POLE: variants seen among roughly 807,000 people sequenced by gnomAD.
POLE encodes the protein DNA polymerase epsilon catalytic subunit A.
Under a neutral mutation model 279.2 loss-of-function variants are expected in POLE, and 188 were observed. That is an observed-to-expected ratio of 0.67 (90% CI 0.60 to 0.76). POLE has a LOEUF of 0.76. POLE is among the 30% of genes least tolerant of loss of function. The pLI is 0.00. For missense variants in POLE, 2,703 were observed against 3,016.7 expected, an observed-to-expected ratio of 0.90 and a Z score of 2.44; for synonymous variants, 1,214 against 1,172.5, an observed-to-expected ratio of 1.04 and a Z score of -0.72.
Position 132,625,731 on chromosome 12 carries a change from G to C in POLE, c.6571C>G (p.Gln2191Glu). The change falls in exon 47 of 49, where the codon CAG (glutamine) becomes GAG (glutamate). Residue 2191 changes from glutamine to glutamate, a missense_variant. This residue lies in a region of POLE where 1,551 missense variants were observed against 1,686.1 expected (regional missense o/e 0.92). Coordinates refer to ENST00000320574, the MANE Select transcript of POLE (RefSeq NM_006231.4). ...VLPQWLCSNCQAPYDSSAIEM... is the reference protein window; with the variant it reads ...VLPQWLCSNCEAPYDSSAIEM... ...ATGGCAGAGGAGTCGTAGGGCGCCT[G>C]ACAGTTGGAGCAGAGCCACTGAGGC... The C allele has an allele frequency of 6.2e-7, 1 of 1,613,082 alleles. No individual in the cohort carries two copies. Among genetic ancestry groups the C allele is most frequent in the Non-Finnish European group, 8.5e-7 (1 of 1,180,030 alleles).
rs5744831 is a variant in POLE at position 132,664,689 on chromosome 12, G to A, written c.2469-227C>T. Among the ~76,000 whole-genome samples the A allele has an allele frequency of 0.065, 9,892 of 152,168 alleles. 1,043 individuals are homozygous for A. Among genetic ancestry groups the A allele is most frequent in the African/African-American group, 0.23 (9,351 of 41,454 alleles). On this transcript the variant is annotated intron_variant, in intron 21 of 48. Coordinates refer to ENST00000320574, the MANE Select transcript of POLE (RefSeq NM_006231.4). This position sits in a 1 kb window ranked among gnomAD's most constrained non-coding sequence, Gnocchi z 5.3. ...AAGGATCTGGAAGGGTGCAGTATGT[G>A]CCACTGCGTCCAGCCGTTCAGGACT... is the stretch of plus-strand genomic sequence containing the variant.
rs1593693065 is a variant in POLE, at chr12:132,624,557, T to C, written c.*140A>G. The C allele has an allele frequency of 7.3e-6, 5 of 681,658 alleles. No individual in the cohort carries two copies. The East Asian group carries it at 1.3e-4, about 17-fold the overall frequency. 42.2% of individuals were successfully genotyped at this position (681,658 alleles called of 1,614,324 possible). Reference sequence around the variant, plus strand: ...CTCCCTGAAAATGGTTTTCTTTGGTTTCCTCCCCGTTCCCTGGCCTGGGGT... The same window carrying C: ...CTCCCTGAAAATGGTTTTCTTTGGTCTCCTCCCCGTTCCCTGGCCTGGGGT... On this transcript the variant is annotated 3_prime_UTR_variant, in exon 49 of 49. Coordinates refer to ENST00000320574, the MANE Select transcript of POLE (RefSeq NM_006231.4).
Position 132,630,548 on chromosome 12 carries a change from G to A in POLE, c.6330+1767C>T, listed in dbSNP as rs541987253. Among the ~76,000 whole-genome samples, 79 of 152,126 alleles carry A rather than the reference G, an allele frequency of 5.2e-4. No homozygotes were observed. The Middle Eastern group carries it at 0.014, about 26-fold the overall frequency. On this transcript the variant is annotated intron_variant, in intron 45 of 48. Coordinates refer to ENST00000320574, the MANE Select transcript of POLE (RefSeq NM_006231.4). ...GTGGATCACTTGAGGTCAGGAGTTCGAGACCAGCCTGGCCAACATGGTGAA... is the reference window on the plus strand; with the variant it reads ...GTGGATCACTTGAGGTCAGGAGTTCAAGACCAGCCTGGCCAACATGGTGAA...
At chr12:132,637,979 C>T (rs2138499212) in intron 41 of POLE, 35 bp downstream of exon 41, 1 of 1,610,396 alleles carries the variant, frequency 6.2e-7, no homozygotes. Flanking sequence ...CTCTCAAAGC[C>T]ACAGTGCTGC....
chr12:132,650,338 G>A (rs2042394966), intron 29 of POLE: 2 of 174,726 alleles, frequency 1.1e-5, no homozygotes, highest in African/African-American at 2.4e-5. Flanking sequence ...GTGAAGGCCG[G>A]GTGTGGTGGC....
rs2042844291 is a variant in POLE at position 132,668,405 on chromosome 12, A to G, written c.2124T>C (p.His708=). Reference sequence around the variant, plus strand: ...TCGCCTGTTCCTCGCGGGACAGTTCATGAAAGGCCCGAGCTGGCCCCTCTG... The same window carrying G: ...TCGCCTGTTCCTCGCGGGACAGTTCGTGAAAGGCCCGAGCTGGCCCCTCTG... ...LFPEGPARAF[H]ELSREEQAKY... The change falls in exon 19 of 49, where the codon CAT becomes CAC. Residue 708 remains histidine (H), a synonymous_variant. Coordinates refer to ENST00000320574, the MANE Select transcript of POLE (RefSeq NM_006231.4). This position sits in a 1 kb window ranked among gnomAD's most constrained non-coding sequence, Gnocchi z 4.0. 1.2e-6 allele frequency: 2 copies of G among 1,611,696 alleles called. No homozygotes were observed. The highest frequency in any genetic ancestry group is 2.2e-5 in the South Asian group (2 of 90,810).
chr12:132,625,765 C>A lies in POLE; in HGVS notation c.6537G>T (p.Gly2179=), dbSNP rs745411511. The A allele has an allele frequency of 5.6e-6, 9 of 1,610,776 alleles. No homozygotes were observed. The highest frequency in any genetic ancestry group is 7.6e-6 in the Non-Finnish European group (9 of 1,179,944). ...AGCAGAGCCACTGAGGCAGGACCGC[C>A]CCATCCTAGGCAGAGCAAGAGTGCG... ...LCKDSSFSED[G]AVLPQWLCSN... is the part of the protein sequence containing the mutation. Residue 2179 remains glycine (G), a synonymous_variant, in exon 47 of 49, where the codon GGG becomes GGT. Coordinates refer to ENST00000320574, the MANE Select transcript of POLE (RefSeq NM_006231.4).
At position 132,658,857 on chromosome 12, in the gene POLE, C is replaced by T. The variant is rs188510541; in HGVS notation, c.3275+438G>A. Among the ~76,000 whole-genome samples the T allele has an allele frequency of 4.2e-3, 437 of 105,280 alleles. 1 individual carries two copies. The highest frequency in any genetic ancestry group is 0.015 in the African/African-American group (416 of 27,496). 69.1% of individuals were successfully genotyped at this position (105,280 alleles called of 152,430 possible). On this transcript the variant is annotated intron_variant, in intron 26 of 48. Coordinates refer to ENST00000320574, the MANE Select transcript of POLE (RefSeq NM_006231.4). ...CATCAACCCCATGCAGGCATTTGTA[C>T]TGGTCCTATTTGTATATAACCACCA...
At position 132,625,647 on chromosome 12, in the gene POLE, G is replaced by T. The variant is rs1347301977; in HGVS notation, c.6655C>A (p.Leu2219Met). ...GGCAGGCGGCATGCACGACTCACCA[G>T]GTCCTGCAGGGTGAAGGCCATCAGC... is the stretch of plus-strand genomic sequence containing the variant. The part of the protein sequence containing the change: ...KKLMAFTLQD[L>M]VCLKCRGVKE... Residue 2219 changes from leucine (L) to methionine (M), a missense_variant and splice_region_variant, in exon 47 of 49, where the codon CTG becomes ATG. This residue lies in a region of POLE where 1,551 missense variants were observed against 1,686.1 expected (regional missense o/e 0.92). Coordinates refer to ENST00000320574, the MANE Select transcript of POLE (RefSeq NM_006231.4). 1.2e-6 allele frequency: 2 copies of T among 1,613,490 alleles called. No individual in the cohort carries two copies. The highest frequency in any genetic ancestry group is 4.5e-5 in the East Asian group (2 of 44,888).
At chr12:132,644,015 A>G (rs2138563419) in intron 32 of POLE, 38 bp from the exon 33 acceptor site, 9 of 1,601,172 alleles carry the variant, frequency 5.6e-6, no homozygotes, top group Non-Finnish European at 7.7e-6. Flanking sequence ...CACTGGGCGT[A>G]AGTGGTAATG....
Position 132,639,146 on chromosome 12 carries a change from ATGT to A in POLE, c.5528_5530del (p.Asn1843del), listed in dbSNP as rs868246375. On this transcript the variant is annotated inframe_deletion, in exon 40 of 49. Transcript: ENST00000320574. This position sits in a 1 kb window ranked among gnomAD's most constrained non-coding sequence, Gnocchi z 4.7. ...TCACTGCAGGAAGAGCTTCTTCATC[ATGT>A]TGTGGAGTGTGCGGTGCAGGGCAGG... 5 of 1,614,104 alleles carry A rather than the reference ATGT, an allele frequency of 3.1e-6. No individual in the cohort carries two copies. The highest frequency in any genetic ancestry group is 4.2e-6 in the Non-Finnish European group (5 of 1,180,006).
chr12:132,667,730 C>T (rs1179590530), intron 19 of POLE, 82 bp from the exon 20 acceptor site: 5 of 1,445,646 alleles, frequency 3.5e-6, no homozygotes, highest in African/African-American at 1.4e-5. Context: ...TGCTGAAGAA[C>T]ATGGCTTCTA....
chr12:132,632,102 C>T (rs763075693), intron 45 of POLE, among the ~76,000 whole-genome samples: 2 of 152,224 alleles, frequency 1.3e-5, no homozygotes, highest in Non-Finnish European at 2.9e-5. Flanking sequence ...TGACCCTACA[C>T]ATGTAGGTAC....
chr12:132,663,028 G>T (rs938445094), intron 23 of POLE, among the ~76,000 whole-genome samples: 3 of 152,238 alleles, frequency 2.0e-5, no homozygotes, highest in Non-Finnish European at 4.4e-5. Flanking sequence ...AACCTCAGGC[G>T]TAACTGCTGC....
chr12:132,654,534 T>C (rs188759209), intron 29 of POLE, among the ~76,000 whole-genome samples: 6 of 152,362 alleles, frequency 3.9e-5, no homozygotes, highest in Non-Finnish European at 5.9e-5. Context: ...GGCTTTACTA[T>C]ATCTATAATG....
chr12:132,675,725 A>G lies in POLE; in HGVS notation c.1106+10T>C, dbSNP rs989924849. ...CTGCCCAGTTACTCATAGAGAAGAC[A>G]CAGACTCACCAGTCAAAAAAGTCCC... On this transcript the variant is annotated intron_variant, in intron 11 of 48. Transcript: ENST00000320574. This position sits in a 1 kb window ranked among gnomAD's most constrained non-coding sequence, Gnocchi z 4.3. 1 of 1,612,132 alleles carries G rather than the reference A, an allele frequency of 6.2e-7. No individual in the cohort carries two copies. The highest frequency in any genetic ancestry group is 1.3e-5 in the African/African-American group (1 of 74,856).
In POLE at chr12:132,668,600, CCCA is replaced by C. The variant is rs1406002690; in HGVS notation, c.2026+32_2026+34del. The C allele has an allele frequency of 5.6e-6, 9 of 1,594,292 alleles. No individual in the cohort carries two copies. In the African/African-American group the frequency reaches 9.4e-5, roughly 17 times the overall value. On this transcript the variant is annotated intron_variant, in intron 18 of 48. Transcript: ENST00000320574. This position sits in a 1 kb window ranked among gnomAD's most constrained non-coding sequence, Gnocchi z 4.0. The stretch of plus-strand genomic sequence containing the variant: ...GCGGCCGACACTCACCCACCCGTTT[CCCA>C]CCGAGTGCCCACCCAGGCGGCCGAC...
At chr12:132,677,166 A>G (rs899306344) in intron 8 of POLE, among the ~76,000 whole-genome samples, 197 bp downstream of exon 8, 2 of 152,218 alleles carry the variant, frequency 1.3e-5, no homozygotes, top group Non-Finnish European at 2.9e-5. Flanking sequence ...CTGATGTCAT[A>G]CAGTGATATA....
At position 132,623,865 on chromosome 12, in the gene POLE, A is replaced by C; in HGVS notation, c.*832T>G. On this transcript the variant is annotated 3_prime_UTR_variant, in exon 49 of 49. Coordinates refer to ENST00000320574, the MANE Select transcript of POLE (RefSeq NM_006231.4). Reference sequence around the variant, plus strand: ...AGGCTGGCTCTGGGCCAAAGACACGAGCCTCCTGGGGAGCCTGTGGGGCCC... The same window carrying C: ...AGGCTGGCTCTGGGCCAAAGACACGCGCCTCCTGGGGAGCCTGTGGGGCCC... The C allele has an allele frequency of 5.1e-6, 1 of 194,940 alleles. No homozygotes were observed. The highest frequency in any genetic ancestry group is 8.0e-5 in the East Asian group (1 of 12,540). 12.1% of individuals were successfully genotyped at this position (194,940 alleles called of 1,614,324 possible).
Sources: gnomAD v4.1 joint callset for allele counts (sites outside exome capture counted in the v4.1 genomes callset) on GRCh38, gnomAD v4.1.1 for gene constraint, gnomAD v4.1.1 regional missense constraint, Gnocchi (gnomAD v3.1) non-coding constraint, MANE v1.5 for transcripts, NCBI Gene and HGNC (gene_info 2026-07-23, HGNC 2026-07-21) for gene names.